The following COPZ1 variants were observed in gnomAD, a reference collection of about 807,000 sequenced individuals.
COPZ1 encodes the protein coat protein complex I subunit zeta 1.
Under a neutral mutation model 31.7 loss-of-function variants are expected in COPZ1, and 4 were observed. The ratio of observed to expected loss-of-function variants is 0.13; its 90% CI spans 0.06 to 0.29. The LOEUF (loss-of-function observed/expected upper bound fraction) is 0.29, where lower values mean the gene tolerates loss of function less well. COPZ1 is among the 10% of genes least tolerant of loss of function. The pLI, the probability that COPZ1 is intolerant of heterozygous loss-of-function variation, is 1.00. For synonymous variants in COPZ1, 74 were observed against 79.0 expected, an observed-to-expected ratio of 0.94 and a Z score of 0.33; for missense variants, 156 against 211.5, an observed-to-expected ratio of 0.74 and a Z score of 1.63.
chr12:54,332,246 C>T (rs1334093492), intron 1 of COPZ1, among the ~76,000 whole-genome samples: 3 of 151,378 alleles, frequency 2.0e-5, no homozygotes. Context: ...GGCGTGAACC[C>T]GGGAGGCGGA....
At chr12:54,327,618 GT>G (rs1953677852) in intron 1 of COPZ1, among the ~76,000 whole-genome samples, 1 of 152,124 alleles carries the variant, frequency 6.6e-6, no homozygotes, top group Non-Finnish European at 1.5e-5. Context: ...TAATCAAGAG[GT>G]TGAGTGCAGT....
intron 5 of COPZ1, among the ~76,000 whole-genome samples, chr12:54,346,051 C>A (rs1442004481): frequency 2.0e-5 from 3 of 151,774 alleles, no homozygotes; most frequent in East Asian, 1.9e-4. Context: ...TAGAATAATT[C>A]TCTTACTAAG....
At position 54,351,154 on chromosome 12, in the gene COPZ1, A is replaced by G. The variant is rs745509795; in HGVS notation, c.*631A>G. The G allele has an allele frequency of 6.5e-6, 1 of 154,544 alleles. No homozygotes were observed. Among genetic ancestry groups the G allele is most frequent in the Non-Finnish European group, 1.4e-5 (1 of 69,476 alleles). 9.6% of individuals were successfully genotyped at this position (154,544 alleles called of 1,614,324 possible). On this transcript the variant is annotated 3_prime_UTR_variant, in exon 9 of 9. Transcript: ENST00000262061. ...CGATTTAAATTGTATTGAACAGGGC[A>G]TATAAAATGCATTCTGTACCCTGAT...
At chr12:54,329,548 C>T (rs1025538404) in intron 1 of COPZ1, among the ~76,000 whole-genome samples, 2 of 152,112 alleles carry the variant, frequency 1.3e-5, no homozygotes, top group African/African-American at 4.8e-5. Flanking sequence ...CCATTGCACT[C>T]CAGCCTGGGC....
Position 54,328,908 on chromosome 12 carries a change from T to C in COPZ1, c.18+3727T>C, listed in dbSNP as rs548527573. On this transcript the variant is annotated intron_variant, in intron 1 of 8. Coordinates refer to ENST00000262061, the MANE Select transcript of COPZ1 (RefSeq NM_016057.3). ...TAAGCTACAGGGGGTCAAGAAGAAC[T>C]GTTGATCAAAGTTTGCATTGATTGT... Among the ~76,000 whole-genome samples the C allele has an allele frequency of 3.9e-4, 60 of 152,282 alleles. 1 individual carries two copies. Among genetic ancestry groups the C allele is most frequent in the Non-Finnish European group, 7.4e-5 (5 of 68,006 alleles).
At chr12:54,336,547 A>AG in intron 1 of COPZ1, among the ~76,000 whole-genome samples, 1 of 152,014 alleles carries the variant, frequency 6.6e-6, no homozygotes, top group East Asian at 1.9e-4. Context: ...AAAAAAAAAA[A>AG]AGCTCTTATC....
At chr12:54,345,639 G>T in intron 5 of COPZ1, 124 bp downstream of exon 5, 1 of 729,696 alleles carries the variant, frequency 1.4e-6, no homozygotes, top group Non-Finnish European at 2.3e-6. Flanking sequence ...ATTGGCAAAG[G>T]CTCCAGGGAG....
chr12:54,338,804 T>G lies in COPZ1; in HGVS notation c.19-1743T>G, dbSNP rs76447056. On this transcript the variant is annotated intron_variant, in intron 1 of 8. Transcript: ENST00000262061. ...AGAATTCAAGTAGGGAAAGCTTATG[T>G]TCCTCATCACCTTGTTGTCAAAAGA... Among the ~76,000 whole-genome samples, 223 of 152,138 alleles carry G rather than the reference T, an allele frequency of 1.5e-3. 3 individuals are homozygous for G. In the East Asian group the frequency reaches 0.039, roughly 26 times the overall value.
At position 54,326,124 on chromosome 12, in the gene COPZ1, A is replaced by AATAATAATAATAATAATT. The variant is rs1555152047; in HGVS notation, c.18+945_18+946insAATAATAATAATAATTAT. Among the ~76,000 whole-genome samples the AATAATAATAATAATAATT allele has an allele frequency of 1.7e-4, 24 of 139,170 alleles. No individual in the cohort carries two copies. In the East Asian group the frequency reaches 4.4e-3, roughly 26 times the overall value. The allele number at this position is 139,170 out of a possible 152,430, so 91.3% of individuals were successfully genotyped here. A position where few individuals can be genotyped will look rare whatever the true frequency, so the allele number is the denominator to read the frequency against. On this transcript the variant is annotated intron_variant, in intron 1 of 8. Transcript: ENST00000262061. ...GCTTGAACCACCGCGCCTGGCCAGG[A>AATAATAATAATAATAATT]ATTATTATTATTATTATTATTATTA...
At chr12:54,332,756 AAAAG>A (rs955410433) in intron 1 of COPZ1, among the ~76,000 whole-genome samples, 33 of 152,084 alleles carry the variant, frequency 2.2e-4, no homozygotes, top group Non-Finnish European at 3.7e-4. Context: ...GGGAAAAAAA[AAAAG>A]AAAGCTGGAG....
intron 7 of COPZ1, chr12:54,348,257 A>G: frequency 3.5e-6 from 2 of 576,794 alleles, no homozygotes; most frequent in South Asian, 2.3e-5. Flanking sequence ...TACCCCTAAT[A>G]TGGTGCCTAA....
intron 1 of COPZ1, among the ~76,000 whole-genome samples, chr12:54,329,338 A>G (rs898447381): frequency 2.0e-5 from 3 of 151,990 alleles, no homozygotes; most frequent in Non-Finnish European, 4.4e-5. Flanking sequence ...GGTGGCTCAC[A>G]CCTGTAATCC....
intron 1 of COPZ1, among the ~76,000 whole-genome samples, chr12:54,339,857 T>C (rs1207547065): frequency 6.6e-6 from 1 of 152,094 alleles, no homozygotes; most frequent in African/African-American, 2.4e-5. Context: ...AAAATTCAGG[T>C]TGGCTTTTGT....
rs1242923183 is a variant in COPZ1, at chr12:54,343,323, A to G, written c.261+7A>G. 3 of 1,602,978 alleles carry G rather than the reference A, an allele frequency of 1.9e-6. No homozygotes were observed. Among genetic ancestry groups the G allele is most frequent in the Non-Finnish European group, 2.6e-6 (3 of 1,169,988 alleles). ...CAGCTCCTATGAAAATGAGGTGAGA[A>G]TCCCCACCCCTCTTTGCTATTTCTG... On this transcript the variant is annotated splice_region_variant and intron_variant, in intron 4 of 8. Transcript: ENST00000262061.
chr12:54,335,482 C>T (rs1034905029), intron 1 of COPZ1, among the ~76,000 whole-genome samples: 2 of 151,566 alleles, frequency 1.3e-5, no homozygotes, highest in South Asian at 4.2e-4. Flanking sequence ...GATCTCAGCT[C>T]ACCGCAACCT....
At chr12:54,335,968 G>A (rs1953857364) in intron 1 of COPZ1, among the ~76,000 whole-genome samples, 1 of 152,106 alleles carries the variant, frequency 6.6e-6, no homozygotes, top group Non-Finnish European at 1.5e-5. Flanking sequence ...ATGAGCCACT[G>A]CGCCTGGCCT....
chr12:54,325,593 C>T (rs1324895468), intron 1 of COPZ1: 1 of 167,584 alleles, frequency 6.0e-6, no homozygotes, highest in Non-Finnish European at 1.3e-5. Flanking sequence ...CTGATGGTTT[C>T]CCAAGTTTGA....
rs753454358 is a variant in COPZ1, at chr12:54,325,199, A to T, written c.18+18A>T. On this transcript the variant is annotated intron_variant, in intron 1 of 8. Coordinates refer to ENST00000262061, the MANE Select transcript of COPZ1 (RefSeq NM_016057.3). ...TGATTTTGGTAGGAGCTGGAGGGGC[A>T]GCAGAGATGCTGTGGTGTCCACAGG... 72 of 1,556,874 alleles carry T rather than the reference A, an allele frequency of 4.6e-5. No homozygotes were observed. Among genetic ancestry groups the T allele is most frequent in the Non-Finnish European group, 6.3e-5 (72 of 1,150,904 alleles).
Position 54,337,013 on chromosome 12 carries a change from C to T in COPZ1, c.19-3534C>T, listed in dbSNP as rs753479786. 3.7e-5 allele frequency among the ~76,000 whole-genome samples: 3 copies of T among 81,944 alleles called. No individual in the cohort carries two copies. The Admixed American group carries it at 5.7e-4, about 16-fold the overall frequency. The allele number at this position is 81,944 out of a possible 152,430, so 53.8% of individuals were successfully genotyped here. ...CTCCAGCCTGGGTGACAGAGAGAGA[C>T]TGTCGCAAAAAAAAAAAAAAAAAAA... On this transcript the variant is annotated intron_variant, in intron 1 of 8. Coordinates refer to ENST00000262061, the MANE Select transcript of COPZ1 (RefSeq NM_016057.3).
Sources: gnomAD v4.1 joint callset for allele counts (sites outside exome capture counted in the v4.1 genomes callset) on GRCh38, gnomAD v4.1.1 for gene constraint, MANE v1.5 for transcripts, NCBI Gene and HGNC (gene_info 2026-07-23, HGNC 2026-07-21) for gene names.